The following TENM2 variants were observed in gnomAD, a reference collection of about 807,000 sequenced individuals.
TENM2 encodes the protein teneurin-2.
In TENM2, 52 loss-of-function variants were observed where a neutral mutation model predicts 245.2. The observed-to-expected ratio is 0.21, with a 90% CI of 0.17 to 0.27. The LOEUF is 0.27. TENM2 is among the 10% of genes least tolerant of loss of function. TENM2 has a pLI of 1.00. For synonymous variants in TENM2, 1,363 were observed against 1,438.9 expected, an observed-to-expected ratio of 0.95 and a Z score of 1.19; for missense variants, 3,046 against 3,666.8, an observed-to-expected ratio of 0.83 and a Z score of 4.37.
chr5:167,843,889 A>G (rs1439922250), intron 2 of TENM2, among the ~76,000 whole-genome samples: 1 of 152,226 alleles, frequency 6.6e-6, no homozygotes, highest in African/African-American at 2.4e-5. Flanking sequence ...TGTGTTATCA[A>G]GCTCTGATGA....
chr5:167,111,988 C>T, the TENM2 span, among the ~76,000 whole-genome samples: 1 of 152,126 alleles, frequency 6.6e-6, no homozygotes, highest in African/African-American at 2.4e-5. Context: ...ATATCAATTC[C>T]CTTGTCACTT....
At chr5:167,051,011 G>C in the TENM2 span, among the ~76,000 whole-genome samples, 1 of 152,104 alleles carries the variant, frequency 6.6e-6, no homozygotes, top group East Asian at 1.9e-4. Context: ...ATTCGCAACT[G>C]GCACTTTTCC....
rs571417312 is a variant in TENM2, at chr5:167,581,139, C to T, written c.502+205666C>T. 1.3e-3 allele frequency among the ~76,000 whole-genome samples: 197 copies of T among 152,284 alleles called. 2 individuals carry two copies. The highest frequency in any genetic ancestry group is 4.6e-3 in the African/African-American group (193 of 41,556). On this transcript the variant is annotated intron_variant, in intron 2 of 28. Coordinates refer to ENST00000518659, the Ensembl canonical transcript of TENM2. ...CTCATCAAATAGTGTACTCTTCTGT[C>T]ATCTCTATTTGACAAACATACTTAT... is the stretch of plus-strand genomic sequence containing the variant.
chr5:167,242,131 C>G, the TENM2 span, among the ~76,000 whole-genome samples: 3 of 149,816 alleles, frequency 2.0e-5, no homozygotes, highest in Non-Finnish European at 4.4e-5. Context: ...CTCACTGCAA[C>G]CTCTGCCTCC....
At chr5:167,423,823 A>G (rs1763651877) in intron 2 of TENM2, among the ~76,000 whole-genome samples, 1 of 152,158 alleles carries the variant, frequency 6.6e-6, no homozygotes. Context: ...TCTGAAATTC[A>G]TGGGTAGCTA....
At chr5:167,338,716 A>G (rs963717473) in intron 1 of TENM2, among the ~76,000 whole-genome samples, 10 of 152,212 alleles carry the variant, frequency 6.6e-5, no homozygotes, top group Non-Finnish European at 1.0e-4. Context: ...TCAAAGAAGC[A>G]GGAACTGGGT....
At chr5:168,125,092 G>T (rs1581383592) in intron 11 of TENM2, 42 bp downstream of exon 13, 1 of 1,530,674 alleles carries the variant, frequency 6.5e-7, no homozygotes, top group Non-Finnish European at 8.9e-7. Flanking sequence ...CAACACTCCT[G>T]CCCTGTGTTC....
chr5:167,172,639 T>C, the TENM2 span, among the ~76,000 whole-genome samples: 20 of 150,968 alleles, frequency 1.3e-4, no homozygotes, highest in Non-Finnish European at 1.6e-4. Context: ...TTTTTTTTTT[T>C]CTAGAGACAG....
chr5:167,148,503 TC>T, the TENM2 span, among the ~76,000 whole-genome samples: 2 of 152,202 alleles, frequency 1.3e-5, no homozygotes, highest in African/African-American at 4.8e-5. Flanking sequence ...TACATAGACA[TC>T]CAGGTATATA....
chr5:167,468,338 C>T (rs1208744240), intron 2 of TENM2, among the ~76,000 whole-genome samples: 1 of 152,186 alleles, frequency 6.6e-6, no homozygotes, highest in Non-Finnish European at 1.5e-5. Context: ...TATTAGTCTA[C>T]TTTGCAACAC....
chr5:168,260,140 C>T, intron 27 of TENM2, 143 bp from the exon 30 acceptor site: 1 of 811,052 alleles, frequency 1.2e-6, no homozygotes, highest in Non-Finnish European at 2.0e-6. Context: ...GGTCTGGACT[C>T]AGGAGACAGT....
intron 5 of TENM2, among the ~76,000 whole-genome samples, chr5:168,038,187 A>G (rs1355527480): frequency 6.6e-6 from 1 of 152,198 alleles, no homozygotes; most frequent in Non-Finnish European, 1.5e-5. Context: ...AAAGCATTAT[A>G]TATCTCATAA....
At chr5:167,579,413 T>A (rs1774929981) in intron 2 of TENM2, among the ~76,000 whole-genome samples, 1 of 152,240 alleles carries the variant, frequency 6.6e-6, no homozygotes, top group Non-Finnish European at 1.5e-5. Context: ...TGTCTTAGTA[T>A]AATAGGAATT....
chr5:167,597,782 T>C (rs141186960), intron 2 of TENM2, among the ~76,000 whole-genome samples: 1 of 152,248 alleles, frequency 6.6e-6, no homozygotes, highest in African/African-American at 2.4e-5. Context: ...TTTCATAGTA[T>C]TCTGTACAAA....
chr5:166,981,343 G>C, the TENM2 span, among the ~76,000 whole-genome samples: 2 of 152,130 alleles, frequency 1.3e-5, no homozygotes, highest in African/African-American at 4.8e-5. Flanking sequence ...TTTTGATCAA[G>C]TTAGTGGGGG....
At chr5:167,736,620 C>T (rs774905809) in intron 2 of TENM2, among the ~76,000 whole-genome samples, 1 of 149,736 alleles carries the variant, frequency 6.7e-6, no homozygotes, top group African/African-American at 2.5e-5. Flanking sequence ...CTTAAAAACT[C>T]GACTCTAATA....
intron 5 of TENM2, among the ~76,000 whole-genome samples, chr5:168,028,799 CA>C (rs34319215): frequency 0.41 from 49,944 of 121,968 alleles, 10,568 homozygotes; most frequent in East Asian, 0.79. Context: ...TAGCAACTGT[CA>C]AAAAAAAAAA....
At chr5:168,080,381 G>A (rs6879357) in intron 7 of TENM2, among the ~76,000 whole-genome samples, 1 of 152,128 alleles carries the variant, frequency 6.6e-6, no homozygotes, top group African/African-American at 2.4e-5. Context: ...CAAAAAACCA[G>A]CTCCTGGATT....
At chr5:168,092,763 T>A (rs1003478680) in intron 8 of TENM2, among the ~76,000 whole-genome samples, 1 of 152,240 alleles carries the variant, frequency 6.6e-6, no homozygotes, top group Non-Finnish European at 1.5e-5. Context: ...TCACTCTGTG[T>A]TTGAACTCAA....
Sources: allele counts gnomAD v4.1 joint callset (sites outside exome capture counted in the v4.1 genomes callset), GRCh38; gene constraint gnomAD v4.1.1; transcripts MANE v1.5; gene names NCBI Gene and HGNC (gene_info 2026-07-23, HGNC 2026-07-21).